The following ATP8A1 variants were observed in gnomAD, a reference collection of about 807,000 sequenced individuals.
ATP8A1 encodes the protein phospholipid-transporting ATPase IA.
ATP8A1 carries 90 observed loss-of-function variants against 177.7 expected under a neutral mutation model. That is an observed-to-expected ratio of 0.51 (90% confidence interval 0.43 to 0.60). ATP8A1 has a LOEUF of 0.60. ATP8A1 is among the 20% of genes least tolerant of loss of function. The probability of loss-of-function intolerance (pLI) is 0.00; values close to 1 mark genes in which losing one functional copy is unlikely to be tolerated. For synonymous variants in ATP8A1, 493 were observed against 485.9 expected (o/e 1.01, Z -0.19); for missense variants, 1,072 against 1,392.8 (o/e 0.77, Z 3.67).
At chr4:42,574,955 T>C (rs1732292561) in intron 13 of ATP8A1, among the ~76,000 whole-genome samples, 2 of 152,352 alleles carry the variant, frequency 1.3e-5, no homozygotes, top group Admixed American at 1.3e-4. Context: ...TGCCTTAGTA[T>C]GGTCTGAATT....
intron 34 of ATP8A1, 79 bp downstream of exon 34, chr4:42,423,537 TG>T: frequency 1.1e-6 from 1 of 930,106 alleles, no homozygotes; most frequent in Non-Finnish European, 1.6e-6. Flanking sequence ...TCTACATGCT[TG>T]AGTTGATGTT....
At position 42,551,293 on chromosome 4, in the gene ATP8A1, AAG is replaced by A; in HGVS notation, c.1520-15_1520-14del. ...AATGCTCCCTCATCTGTTTTAGAAA[AAG>A]AGGTAAAAGCAAACACATGATTGAA... On this transcript the variant is annotated splice_polypyrimidine_tract_variant and intron_variant, in intron 17 of 36. Transcript: ENST00000381668. The A allele has an allele frequency of 6.2e-7, 1 of 1,601,908 alleles. No homozygotes were observed. The highest frequency in any genetic ancestry group is 8.6e-7 in the Non-Finnish European group (1 of 1,169,052).
At chr4:42,439,365 GAA>G (rs1716371691) in intron 33 of ATP8A1, among the ~76,000 whole-genome samples, 2 of 152,212 alleles carry the variant, frequency 1.3e-5, no homozygotes, top group Non-Finnish European at 1.5e-5. Context: ...TTCTGCTGCT[GAA>G]AATCTTCATG....
At chr4:42,423,817 G>A in intron 33 of ATP8A1, 112 bp from the exon 34 acceptor site, 2 of 665,202 alleles carry the variant, frequency 3.0e-6, no homozygotes, top group Non-Finnish European at 5.2e-6. Context: ...TTCTGTAAGA[G>A]AGTATACAAC....
intron 17 of ATP8A1, 102 bp downstream of exon 17, chr4:42,552,403 T>A (rs1052965041): frequency 1.1e-6 from 1 of 925,400 alleles, no homozygotes; most frequent in African/African-American, 1.7e-5. Context: ...AAAATTTTTA[T>A]CTAAAAAACA....
At chr4:42,529,955 A>T (rs1255562386) in intron 20 of ATP8A1, among the ~76,000 whole-genome samples, 1 of 152,244 alleles carries the variant, frequency 6.6e-6, no homozygotes, top group Non-Finnish European at 1.5e-5. Flanking sequence ...GGTGACAAAG[A>T]AATCTGGGGA....
chr4:42,532,378 C>T (rs919853111), intron 20 of ATP8A1, among the ~76,000 whole-genome samples: 2 of 151,768 alleles, frequency 1.3e-5, no homozygotes, highest in African/African-American at 4.8e-5. Context: ...CCCAGCTACT[C>T]AGGAGGCTGA....
chr4:42,436,189 C>A (rs527534998), intron 33 of ATP8A1, among the ~76,000 whole-genome samples: 1 of 152,292 alleles, frequency 6.6e-6, no homozygotes, highest in South Asian at 2.1e-4. Flanking sequence ...TACGGGTACA[C>A]CATGGCCTCT....
intron 6 of ATP8A1, 31 bp from the exon 7 acceptor site, chr4:42,590,915 GGCC>G: frequency 6.9e-7 from 1 of 1,445,978 alleles, no homozygotes; most frequent in Admixed American, 2.3e-5. Flanking sequence ...TAATTAAAAT[GGCC>G]AAAAAAAAAA....
intron 20 of ATP8A1, among the ~76,000 whole-genome samples, chr4:42,537,419 C>T (rs1392085373): frequency 6.6e-6 from 1 of 151,540 alleles, no homozygotes; most frequent in African/African-American, 2.4e-5. Flanking sequence ...CTAGCCAGAG[C>T]AATCAGATAA....
At chr4:42,633,228 CAG>C (rs1031566306) in intron 1 of ATP8A1, among the ~76,000 whole-genome samples, 11 of 152,320 alleles carry the variant, frequency 7.2e-5, no homozygotes, top group African/African-American at 2.2e-4. Context: ...AATGACGACA[CAG>C]AGTCTTCCTT....
At chr4:42,486,389 T>C (rs1027618224) in intron 24 of ATP8A1, among the ~76,000 whole-genome samples, 6 of 152,172 alleles carry the variant, frequency 3.9e-5, no homozygotes, top group African/African-American at 1.4e-4. Flanking sequence ...TAGGCTAAAT[T>C]GTGGGAGCTA....
intron 14 of ATP8A1, 23 bp from the exon 15 acceptor site, chr4:42,569,228 C>G (rs1003677219): frequency 2.5e-6 from 4 of 1,590,792 alleles, no homozygotes; most frequent in Admixed American, 3.5e-5. Context: ...AGAAGAGAGG[C>G]AGAAAGAGAG....
intron 31 of ATP8A1, among the ~76,000 whole-genome samples, chr4:42,445,850 T>A (rs138853760): frequency 6.6e-6 from 1 of 151,894 alleles, no homozygotes; most frequent in Non-Finnish European, 1.5e-5. Flanking sequence ...GAGGCTGAGG[T>A]GGGTGGATCA....
intron 9 of ATP8A1, among the ~76,000 whole-genome samples, chr4:42,584,066 G>C (rs927030657): frequency 6.6e-6 from 1 of 152,184 alleles, no homozygotes; most frequent in African/African-American, 2.4e-5. Context: ...TCTGAATGAG[G>C]ATGACAGTTC....
chr4:42,491,167 T>A (rs774407682), intron 24 of ATP8A1, among the ~76,000 whole-genome samples: 7 of 152,120 alleles, frequency 4.6e-5, no homozygotes, highest in Non-Finnish European at 1.0e-4. Context: ...CTCAAATATT[T>A]TAAATTGTCT....
At chr4:42,455,705 T>C (rs1317295186) in intron 27 of ATP8A1, 106 bp from the exon 28 acceptor site, 1 of 949,276 alleles carries the variant, frequency 1.1e-6, no homozygotes, top group African/African-American at 1.7e-5. Flanking sequence ...CATTAACATA[T>C]TATACTCATG....
At chr4:42,421,658 G>A (rs1405679405) in intron 35 of ATP8A1, among the ~76,000 whole-genome samples, 1 of 152,112 alleles carries the variant, frequency 6.6e-6, no homozygotes, top group African/African-American at 2.4e-5. Flanking sequence ...GAGAGCAAGA[G>A]AGCTGGAAGC....
At chr4:42,510,340 G>A (rs1168156364) in intron 22 of ATP8A1, among the ~76,000 whole-genome samples, 1 of 152,152 alleles carries the variant, frequency 6.6e-6, no homozygotes, top group East Asian at 1.9e-4. Flanking sequence ...AGCAAGGAAA[G>A]GAAGAACAAT....
Sources: allele counts gnomAD v4.1 joint callset (sites outside exome capture counted in the v4.1 genomes callset), GRCh38; gene constraint gnomAD v4.1.1; transcripts MANE v1.5; gene names NCBI Gene and HGNC (gene_info 2026-07-23, HGNC 2026-07-21).